The following CTNND2 variants were observed in gnomAD, a reference collection of about 807,000 sequenced individuals.
CTNND2 encodes catenin delta-2.
CTNND2 carries 22 observed loss-of-function variants against 144.4 expected under a neutral mutation model. The observed-to-expected ratio is 0.15, with a 90% CI of 0.11 to 0.22. The LOEUF (loss-of-function observed/expected upper bound fraction) is 0.22, where lower values mean the gene tolerates loss of function less well. CTNND2 is among the 10% of genes least tolerant of loss of function. The probability of loss-of-function intolerance (pLI) is 1.00; values close to 1 mark genes in which losing one functional copy is unlikely to be tolerated. For missense variants in CTNND2, 1,353 were observed against 1,618.8 expected (o/e 0.84, Z 2.82); for synonymous variants, 751 against 695.6 (o/e 1.08, Z -1.25).
intron 9 of CTNND2, 73 bp downstream of exon 9, chr5:11,346,299 G>T: frequency 7.8e-7 from 1 of 1,284,712 alleles, no homozygotes; most frequent in Non-Finnish European, 1.0e-6. Flanking sequence ...GCAACATGAC[G>T]TGAAATAAAT....
rs368129396 is a variant in CTNND2, at chr5:11,068,258, C to A, written c.2788+14438G>T. 2.4e-4 allele frequency among the ~76,000 whole-genome samples: 37 copies of A among 152,322 alleles called. 1 individual carries two copies. The South Asian group carries it at 7.0e-3, about 29-fold the overall frequency. ...TCTCAACCTTGGCAAACTTCAGCAT[C>A]CCTCAGGGAGCCTTGAAACAAGTAC... On this transcript the variant is annotated intron_variant, in intron 16 of 21. Transcript: ENST00000304623.
chr5:11,201,939 T>A (rs1020932151), intron 10 of CTNND2, among the ~76,000 whole-genome samples: 3 of 152,198 alleles, frequency 2.0e-5, no homozygotes, highest in Non-Finnish European at 4.4e-5. Context: ...ACATCCACTT[T>A]ATTATAGTGC....
intron 1 of CTNND2, among the ~76,000 whole-genome samples, chr5:11,768,267 AGTTTTGTTTTGTTTTGTTTT>A (rs60666239): frequency 6.7e-6 from 1 of 148,728 alleles, no homozygotes; most frequent in African/African-American, 2.5e-5. Context: ...CCCACTCAGG[AGTTTTGTTTTGTTTTGTTTT>A]GTTTTGTTTT....
intron 2 of CTNND2, among the ~76,000 whole-genome samples, chr5:11,610,313 G>A (rs1055454948): frequency 3.9e-5 from 6 of 152,134 alleles, no homozygotes; most frequent in African/African-American, 1.4e-4. Flanking sequence ...CTCATACACT[G>A]TAGCTTGAAA....
At chr5:11,823,077 T>C (rs1456591673) in intron 1 of CTNND2, among the ~76,000 whole-genome samples, 1 of 152,232 alleles carries the variant, frequency 6.6e-6, no homozygotes, top group African/African-American at 2.4e-5. Context: ...TAACTCCAAA[T>C]TCCTTGAATC....
intron 16 of CTNND2, among the ~76,000 whole-genome samples, chr5:11,064,127 C>G (rs143081875): frequency 1.3e-5 from 2 of 152,200 alleles, no homozygotes; most frequent in African/African-American, 2.4e-5. Flanking sequence ...AAATGGAGTC[C>G]TCTTAGGCAT....
chr5:11,885,446 G>A (rs1736448559), intron 1 of CTNND2, among the ~76,000 whole-genome samples: 1 of 152,070 alleles, frequency 6.6e-6, no homozygotes, highest in African/African-American at 2.4e-5. Context: ...ATAAAAAAGA[G>A]ACTAACAAGA....
intron 1 of CTNND2, among the ~76,000 whole-genome samples, chr5:11,883,757 C>T (rs1303422315): frequency 6.6e-6 from 1 of 152,228 alleles, no homozygotes; most frequent in Non-Finnish European, 1.5e-5. Context: ...AATCGCCACA[C>T]TGTCTTCCAC....
intron 8 of CTNND2, among the ~76,000 whole-genome samples, chr5:11,357,350 T>A (rs1755997948): frequency 6.6e-6 from 1 of 151,970 alleles, no homozygotes; most frequent in Non-Finnish European, 1.5e-5. Context: ...ATTCAGACAT[T>A]TAAGAAAAAT....
intron 1 of CTNND2, among the ~76,000 whole-genome samples, chr5:11,901,077 C>T (rs1052987065): frequency 2.0e-5 from 3 of 152,184 alleles, no homozygotes; most frequent in Admixed American, 1.3e-4. Flanking sequence ...ATTCAATTGG[C>T]TTGTTACAGC....
chr5:11,876,275 G>A (rs544508341), intron 1 of CTNND2, among the ~76,000 whole-genome samples: 92 of 151,672 alleles, frequency 6.1e-4, no homozygotes, highest in African/African-American at 2.0e-3. Flanking sequence ...CAGGAAAGGC[G>A]GGGAGAGGGG....
intron 12 of CTNND2, among the ~76,000 whole-genome samples, chr5:11,130,504 T>C (rs1273709330): frequency 1.3e-5 from 2 of 152,184 alleles, no homozygotes; most frequent in Admixed American, 1.3e-4. Context: ...TTAAAACTGA[T>C]GGTCGCCACA....
intron 3 of CTNND2, among the ~76,000 whole-genome samples, chr5:11,526,135 TA>T (rs567946629): frequency 1.8e-3 from 268 of 152,256 alleles, no homozygotes; most frequent in African/African-American, 6.1e-3. Flanking sequence ...CTCCTGGCCC[TA>T]AGTGATCTAC....
chr5:11,697,236 C>T (rs1001852291), intron 2 of CTNND2, among the ~76,000 whole-genome samples: 6 of 152,026 alleles, frequency 3.9e-5, no homozygotes, highest in Non-Finnish European at 5.9e-5. Flanking sequence ...TGCAAGCTGC[C>T]CCTGATTCTA....
At chr5:11,131,645 C>T (rs959842667) in intron 12 of CTNND2, among the ~76,000 whole-genome samples, 7 of 152,054 alleles carry the variant, frequency 4.6e-5, no homozygotes, top group African/African-American at 1.4e-4. Flanking sequence ...AAAAATTAGC[C>T]AGGCGTGGTG....
At chr5:11,870,087 A>C (rs1795957540) in intron 1 of CTNND2, among the ~76,000 whole-genome samples, 1 of 152,206 alleles carries the variant, frequency 6.6e-6, no homozygotes, top group African/African-American at 2.4e-5. Flanking sequence ...AATGCCTAGC[A>C]AAAGAGCCCA....
At position 11,702,760 on chromosome 5, in the gene CTNND2, C is replaced by T. The variant is rs192074835; in HGVS notation, c.174+29376G>A. ...CAAAAACACAGAGGTTGTTAGCATG[C>T]TTTAGCTCTCTATGCAGAGACTGAG... On this transcript the variant is annotated intron_variant, in intron 2 of 21. Transcript: ENST00000304623. 1.3e-3 allele frequency among the ~76,000 whole-genome samples: 191 copies of T among 152,310 alleles called. 1 individual carries two copies. Among genetic ancestry groups the T allele is most frequent in the Admixed American group, 1.6e-3 (25 of 15,298 alleles).
At chr5:11,561,354 T>C (rs1196793460) in intron 3 of CTNND2, among the ~76,000 whole-genome samples, 1 of 152,234 alleles carries the variant, frequency 6.6e-6, no homozygotes, top group East Asian at 1.9e-4. Flanking sequence ...AAATAGGTTC[T>C]GGGTGAGGAA....
chr5:11,470,734 G>A (rs1767107678), intron 3 of CTNND2, among the ~76,000 whole-genome samples: 1 of 151,702 alleles, frequency 6.6e-6, no homozygotes, highest in Admixed American at 6.6e-5. Flanking sequence ...GACCCTGACG[G>A]TTTTGATGAG....
Sources: allele counts gnomAD v4.1 joint callset (sites outside exome capture counted in the v4.1 genomes callset), GRCh38; gene constraint gnomAD v4.1.1; transcripts MANE v1.5; gene names NCBI Gene and HGNC (gene_info 2026-07-23, HGNC 2026-07-21).